The following MAP1A variants were observed in gnomAD, a reference collection of about 807,000 sequenced individuals.
The protein encoded by MAP1A is microtubule associated protein 1A.
A neutral mutation model predicts 185.9 loss-of-function variants in MAP1A; 42 were observed. The ratio of observed to expected loss-of-function variants is 0.23; its 90% CI spans 0.18 to 0.29. MAP1A has a LOEUF of 0.29. MAP1A is among the 10% of genes least tolerant of loss of function. The pLI, the probability that MAP1A is intolerant of heterozygous loss-of-function variation, is 1.00. For missense variants in MAP1A, 2,995 were observed against 3,450.4 expected, an observed-to-expected ratio of 0.87 and a Z score of 3.31; for synonymous variants, 1,229 against 1,335.9, an observed-to-expected ratio of 0.92 and a Z score of 1.74.
In MAP1A at chr15:43,527,837, G is replaced by A. The variant is rs750585730; in HGVS notation, c.6364G>A (p.Ala2122Thr). 3 of 1,613,976 alleles carry A rather than the reference G, an allele frequency of 1.9e-6. No individual in the cohort carries two copies. The highest frequency in any genetic ancestry group is 1.7e-5 in the Admixed American group (1 of 60,006). Residue 2122 changes from alanine to threonine, a missense_variant, in exon 4 of 6, where the codon GCC becomes ACC. By Grantham distance (58) the Ala-to-Thr change is moderately conservative. This residue lies in a region of MAP1A where 2,728 missense variants were observed against 2,986.0 expected (regional missense o/e 0.91). Transcript: ENST00000300231. ...GGCTCGGGAACAGCCAGAAAAAGAG[G>A]CCCAATCCCCAAGTCCTCCTCACCC... Reference protein sequence around the residue: ...KGAREQPEKEAQSPSPPHPIP... With the variant: ...KGAREQPEKETQSPSPPHPIP...
intron 1 of MAP1A, among the ~76,000 whole-genome samples, chr15:43,518,821 G>C (rs1286397843): frequency 1.3e-5 from 2 of 151,768 alleles, no homozygotes; most frequent in African/African-American, 4.9e-5. Flanking sequence ...GAGAGAGCCA[G>C]GGGAGCAGAA....
chr15:43,526,231 G>A lies in MAP1A; in HGVS notation c.4758G>A (p.Gln1586=), dbSNP rs2079342919. 1 of 1,614,174 alleles carries A rather than the reference G, an allele frequency of 6.2e-7. No homozygotes were observed. The highest frequency in any genetic ancestry group is 8.5e-7 in the Non-Finnish European group (1 of 1,180,042). The change falls in exon 4 of 6, where the codon CAG becomes CAA. Residue 1586 remains glutamine, a synonymous_variant. Coordinates refer to ENST00000300231, the MANE Select transcript of MAP1A (RefSeq NM_002373.6). The surrounding 1 kb of genome is among the most constrained non-coding windows in gnomAD (Gnocchi z 4.7). ...CTCAGGAGCAGGAGAGCCTAGTGCA[G>A]GAGGATAAAACCAGGAAACCAAAGA... ...HQTQEQESLV[Q]EDKTRKPKML...
chr15:43,516,834 G>T (rs2079299319), upstream of MAP1A, among the ~76,000 whole-genome samples: 1 of 152,158 alleles, frequency 6.6e-6, no homozygotes, highest in South Asian at 2.1e-4. Context: ...ATCCTTCTTG[G>T]TCCTTGTTAA....
At chr15:43,511,397 T>C (rs979000443) in intron 1 of MAP1A, among the ~76,000 whole-genome samples, 12 of 152,244 alleles carry the variant, frequency 7.9e-5, no homozygotes, top group African/African-American at 2.9e-4. Flanking sequence ...CCTCTCGCTC[T>C]ACTAACATCT....
Position 43,523,380 on chromosome 15 carries a change from A to G in MAP1A, c.1907A>G (p.Asp636Gly), listed in dbSNP as rs1361383101. 1 of 1,611,954 alleles carries G rather than the reference A, an allele frequency of 6.2e-7. No homozygotes were observed. Among genetic ancestry groups the G allele is most frequent in the Non-Finnish European group, 8.5e-7 (1 of 1,178,938 alleles). Residue 636 changes from aspartate to glycine, a missense_variant, in exon 4 of 6, where the codon GAC becomes GGC. By Grantham distance (94) the Asp-to-Gly change is moderately conservative. Transcript: ENST00000300231. ...CAGAGGGAAGCAGAGAGGCTCCCAGACAGAACAGAAGCCAGAGAGGAAAGT... is the reference window on the plus strand; with the variant it reads ...CAGAGGGAAGCAGAGAGGCTCCCAGGCAGAACAGAAGCCAGAGAGGAAAGT... The part of the protein sequence containing the change: ...KKQREAERLP[D>G]RTEAREESEP...
At chr15:43,511,134 G>T (rs1190617753) in exon 1 of MAP1A, 1 of 1,550,482 alleles carries the variant, frequency 6.4e-7, no homozygotes. Flanking sequence ...GCGGCTGCAC[G>T]CTGGGACCTG....
Position 43,523,507 on chromosome 15 carries a change from G to A in MAP1A, c.2034G>A (p.Glu678=), listed in dbSNP as rs1157017881. Residue 678 remains glutamate, a synonymous_variant, in exon 4 of 6, where the codon GAG becomes GAA. Transcript: ENST00000300231. ...DEEEEDATKA[E]GFYQKHMQEP... ...AGGAAGAGGACGCGACAAAAGCTGA[G>A]GGTTTTTACCAAAAACATATGCAGG... 1.2e-6 allele frequency: 2 copies of A among 1,614,074 alleles called. No homozygotes were observed.
rs1060953 is a variant in MAP1A, at chr15:43,527,641, C to T, written c.6168C>T (p.Ser2056=). 5 of 1,613,750 alleles carry T rather than the reference C, an allele frequency of 3.1e-6. No individual in the cohort carries two copies. In the African/African-American group the frequency reaches 4.0e-5, roughly 13 times the overall value. Residue 2056 remains serine (S), a synonymous_variant, in exon 4 of 6, where the codon AGC becomes AGT. Transcript: ENST00000300231. ...RPEPGPSMEP[S]LTPPAVPPRA... is the part of the protein sequence containing the mutation. ...AGCCAGGGCCAAGTATGGAGCCCAG[C>T]CTCACCCCACCTGCAGTTCCCCCCC... is the stretch of plus-strand genomic sequence containing the variant.
At position 43,523,740 on chromosome 15, in the gene MAP1A, A is replaced by G. The variant is rs1353208624; in HGVS notation, c.2267A>G (p.His756Arg). The G allele has an allele frequency of 2.5e-6, 4 of 1,614,086 alleles. No individual in the cohort carries two copies. The highest frequency in any genetic ancestry group is 3.4e-6 in the Non-Finnish European group (4 of 1,179,988). ...TEQTISDEEI[H>R]DEPEERPAPP... Reference sequence around the variant, plus strand: ...CAGACCATCTCAGATGAGGAGATCCATGATGAGCCGGAGGAGCGCCCAGCT... The same window carrying G: ...CAGACCATCTCAGATGAGGAGATCCGTGATGAGCCGGAGGAGCGCCCAGCT... The change falls in exon 4 of 6, where the codon CAT (histidine) becomes CGT (arginine). Residue 756 changes from histidine to arginine, a missense_variant. Physicochemically the swap from His to Arg is conservative, Grantham distance 29. This residue lies in a region of MAP1A where 2,728 missense variants were observed against 2,986.0 expected (regional missense o/e 0.91). Transcript: ENST00000300231.
rs919889689 is a variant in MAP1A, at chr15:43,520,877, T to C, written c.-291-95T>C. 1.1e-5 allele frequency: 15 copies of C among 1,368,932 alleles called. No individual in the cohort carries two copies. In the African/African-American group the frequency reaches 1.7e-4, roughly 16 times the overall value. The allele number at this position is 1,368,932 out of a possible 1,614,324, so 84.8% of individuals were successfully genotyped here. A position where few individuals can be genotyped will look rare whatever the true frequency, so the allele number is the denominator to read the frequency against. ...CACTCTGGAGGTGTTATGAGGGACA[T>C]AAGTTGGGAGCATGTTCTTGAGGTA... is the stretch of plus-strand genomic sequence containing the variant. On this transcript the variant is annotated intron_variant, in intron 2 of 5. Coordinates refer to ENST00000300231, the MANE Select transcript of MAP1A (RefSeq NM_002373.6).
chr15:43,520,831 G>A (rs765207086), intron 2 of MAP1A, 108 bp downstream of exon 2: 3 of 1,309,928 alleles, frequency 2.3e-6, no homozygotes. Context: ...TGCCATCTAA[G>A]CTGACGTATT....
chr15:43,530,017 A>G, intron 5 of MAP1A, 52 bp from the exon 6 acceptor site: 1 of 1,597,742 alleles, frequency 6.3e-7, no homozygotes, highest in Non-Finnish European at 8.6e-7. Context: ...CTTCCCCCTC[A>G]CCTACCTTCC....
At position 43,525,208 on chromosome 15, in the gene MAP1A, T is replaced by C. The variant is rs480108; in HGVS notation, c.3735T>C (p.Asp1245=). ...TGGGGCATCTGATGCAGGCCGAGGA[T>C]ACCTCTCACCACACAGCTCCCATGT... ...EEMGHLMQAE[D]TSHHTAPMSV... is the part of the protein sequence containing the mutation. The change falls in exon 4 of 6, where the codon GAT becomes GAC. Residue 1245 remains aspartate, a synonymous_variant. Coordinates refer to ENST00000300231, the MANE Select transcript of MAP1A (RefSeq NM_002373.6). The C allele has an allele frequency of 0.33, 538,638 of 1,613,810 alleles. 104,456 individuals carry two copies. Among genetic ancestry groups the C allele is most frequent in the African/African-American group, 0.88 (65,688 of 74,966 alleles).
rs564030028 is a variant in MAP1A, at chr15:43,531,318, G to A, written c.*1094G>A. The A allele has an allele frequency of 1.3e-5, 2 of 152,802 alleles. No homozygotes were observed. Among genetic ancestry groups the A allele is most frequent in the South Asian group, 4.1e-4 (2 of 4,828 alleles). The allele number at this position is 152,802 out of a possible 1,614,324, so 9.5% of individuals were successfully genotyped here. On this transcript the variant is annotated 3_prime_UTR_variant, in exon 6 of 6. Coordinates refer to ENST00000300231, the MANE Select transcript of MAP1A (RefSeq NM_002373.6). The stretch of plus-strand genomic sequence containing the variant: ...TGAGCCACAGCTTAACTCCTACAGA[G>A]TGAAATGAAAACGGGCTGAAAATAC...
chr15:43,526,157 G>T lies in MAP1A; in HGVS notation c.4684G>T (p.Asp1562Tyr), dbSNP rs745552613. The T allele has an allele frequency of 1.9e-6, 3 of 1,613,880 alleles. No homozygotes were observed. The highest frequency in any genetic ancestry group is 2.5e-6 in the Non-Finnish European group (3 of 1,180,006). The change falls in exon 4 of 6, where the codon GAT becomes TAT. Residue 1562 changes from aspartate (D) to tyrosine (Y), a missense_variant. Asp to Tyr is a radical substitution (Grantham distance 160). Around this residue, in one of 3 missense-constraint regions of MAP1A, gnomAD observed 2,728 missense variants for 2,986.0 expected, o/e 0.91. Coordinates refer to ENST00000300231, the MANE Select transcript of MAP1A (RefSeq NM_002373.6). This position sits in a 1 kb window ranked among gnomAD's most constrained non-coding sequence, Gnocchi z 4.7. ...EQKYWALGQK[D>Y]EALEQNIQAL... ...AAAATACTGGGCTTTGGGACAGAAG[G>T]ATGAAGCCCTGGAACAAAACATTCA...
Position 43,521,448 on chromosome 15 carries a change from T to C in MAP1A, c.-26T>C. 1.2e-6 allele frequency: 2 copies of C among 1,614,134 alleles called. No homozygotes were observed. The highest frequency in any genetic ancestry group is 1.7e-6 in the Non-Finnish European group (2 of 1,180,008). Reference sequence around the variant, plus strand: ...TCCCAAGAGACCCTGCACCTCCGGCTAAACCCTGAGCCCACTCTGCCCACC... The same window carrying C: ...TCCCAAGAGACCCTGCACCTCCGGCCAAACCCTGAGCCCACTCTGCCCACC... On this transcript the variant is annotated 5_prime_UTR_variant, in exon 4 of 6. Transcript: ENST00000300231. The surrounding 1 kb of genome is among the most constrained non-coding windows in gnomAD (Gnocchi z 4.6).
At position 43,524,982 on chromosome 15, in the gene MAP1A, C is replaced by T; in HGVS notation, c.3509C>T (p.Pro1170Leu). ...GACACTGCCAACCAAGAGCCTACCCCCAAGTCTCCCTGTGGCCTGACAGAA... is the reference window on the plus strand; with the variant it reads ...GACACTGCCAACCAAGAGCCTACCCTCAAGTCTCCCTGTGGCCTGACAGAA... ...SPDTANQEPT[P>L]KSPCGLTEQY... The change falls in exon 4 of 6, where the codon CCC (proline) becomes CTC (leucine). Residue 1170 changes from proline (P) to leucine (L), a missense_variant. By Grantham distance (98) the Pro-to-Leu change is moderately conservative. Around this residue, in one of 3 missense-constraint regions of MAP1A, gnomAD observed 2,728 missense variants for 2,986.0 expected, o/e 0.91. Transcript: ENST00000300231. 6.2e-7 allele frequency: 1 copy of T among 1,614,190 alleles called. No individual in the cohort carries two copies.
chr15:43,516,741 T>G (rs1280544725), upstream of MAP1A, among the ~76,000 whole-genome samples: 3 of 152,094 alleles, frequency 2.0e-5, no homozygotes, highest in Non-Finnish European at 4.4e-5. Flanking sequence ...ACAAAGTCAT[T>G]ATAGGGTTTT....
At position 43,524,718 on chromosome 15, in the gene MAP1A, G is replaced by A. The variant is rs2079335002; in HGVS notation, c.3245G>A (p.Gly1082Glu). 6.2e-7 allele frequency: 1 copy of A among 1,614,042 alleles called. No individual in the cohort carries two copies. Among genetic ancestry groups the A allele is most frequent in the East Asian group, 2.2e-5 (1 of 44,872 alleles). Reference sequence around the variant, plus strand: ...GAAGCACCTGTCAACATTGATGAGGGGCTTACAGGCTGTACCATTCAACTG... The same window carrying A: ...GAAGCACCTGTCAACATTGATGAGGAGCTTACAGGCTGTACCATTCAACTG... ...AQEAPVNIDE[G>E]LTGCTIQLLP... Residue 1082 changes from glycine to glutamate, a missense_variant, in exon 4 of 6, where the codon GGG becomes GAG. By Grantham distance (98) the Gly-to-Glu change is moderately conservative. Transcript: ENST00000300231.
Sources: gnomAD v4.1 joint callset for allele counts (sites outside exome capture counted in the v4.1 genomes callset) on GRCh38, gnomAD v4.1.1 for gene constraint, gnomAD v4.1.1 regional missense constraint, Gnocchi (gnomAD v3.1) non-coding constraint, MANE v1.5 for transcripts, NCBI Gene and HGNC (gene_info 2026-07-23, HGNC 2026-07-21) for gene names.